Variants in BORCS5 observed in about 807,000 individuals in gnomAD.
The protein encoded by BORCS5 is BLOC-1 related complex subunit 5.
BORCS5 carries 17 observed loss-of-function variants against 22.1 expected under a neutral mutation model. The ratio of observed to expected loss-of-function variants is 0.77; its 90% CI spans 0.53 to 1.15. The LOEUF (loss-of-function observed/expected upper bound fraction) is 1.15. Ranked by LOEUF, BORCS5 falls within the 50% of genes most tolerant of loss-of-function variation. The pLI is 0.00. For synonymous variants in BORCS5, 117 were observed against 99.8 expected (o/e 1.17, Z -1.03); for missense variants, 247 against 253.2 (o/e 0.98, Z 0.17).
intron 1 of BORCS5, among the ~76,000 whole-genome samples, chr12:12,359,511 G>A (rs1322534247): frequency 6.6e-6 from 1 of 151,826 alleles, no homozygotes; most frequent in Non-Finnish European, 1.5e-5. Flanking sequence ...ACAGGGACAT[G>A]CCACCACGCC....
rs538545042 is a variant in BORCS5 at position 12,389,215 on chromosome 12, G to A, written c.202+27866G>A. Among the ~76,000 whole-genome samples the A allele has an allele frequency of 1.7e-4, 24 of 138,182 alleles. 3 individuals carry two copies. Among genetic ancestry groups the A allele is most frequent in the Non-Finnish European group, 3.1e-4 (20 of 65,524 alleles). 90.7% of individuals were successfully genotyped at this position (138,182 alleles called of 152,430 possible). On this transcript the variant is annotated intron_variant, in intron 2 of 3. Transcript: ENST00000314565. ...GGCAATGGTGCGATCTCGGCTTACTGCAAACTTTGCCTCCCAGGTTCAAGG... is the reference window on the plus strand; with the variant it reads ...GGCAATGGTGCGATCTCGGCTTACTACAAACTTTGCCTCCCAGGTTCAAGG...
chr12:12,420,862 G>A (rs1178711305), intron 2 of BORCS5, among the ~76,000 whole-genome samples: 2 of 152,148 alleles, frequency 1.3e-5, no homozygotes, highest in Non-Finnish European at 2.9e-5. Context: ...TCTGTTATTG[G>A]TGTATAGGAA....
chr12:12,431,031 A>G (rs941907331), intron 2 of BORCS5, among the ~76,000 whole-genome samples: 2 of 152,186 alleles, frequency 1.3e-5, no homozygotes, highest in Non-Finnish European at 2.9e-5. Flanking sequence ...TGCTGCAATG[A>G]ATACTCTTGT....
intron 2 of BORCS5, among the ~76,000 whole-genome samples, chr12:12,392,237 C>T (rs548536902): frequency 6.6e-6 from 1 of 151,864 alleles, no homozygotes; most frequent in South Asian, 2.1e-4. Context: ...GTATTAGTGT[C>T]CCTTTTAGAG....
At chr12:12,418,348 A>T (rs372134843) in intron 2 of BORCS5, among the ~76,000 whole-genome samples, 1 of 151,914 alleles carries the variant, frequency 6.6e-6, no homozygotes, top group Admixed American at 6.6e-5. Context: ...TGAACCTTTT[A>T]TTAATATATG....
intron 2 of BORCS5, among the ~76,000 whole-genome samples, chr12:12,374,350 T>C (rs928885560): frequency 9.2e-5 from 14 of 151,882 alleles, no homozygotes; most frequent in Non-Finnish European, 1.9e-4. Context: ...TAAAAGATGC[T>C]GGCCAGTCAC....
At chr12:12,357,771 T>A (rs1027046851) in intron 1 of BORCS5, among the ~76,000 whole-genome samples, 20 of 152,230 alleles carry the variant, frequency 1.3e-4, no homozygotes, top group African/African-American at 4.8e-4. Flanking sequence ...TACAGCCTCC[T>A]GTTTAAAAGA....
At chr12:12,460,904 C>T (rs1943091157) in intron 3 of BORCS5, among the ~76,000 whole-genome samples, 1 of 152,102 alleles carries the variant, frequency 6.6e-6, no homozygotes, top group African/African-American at 2.4e-5. Flanking sequence ...AGTTCATGTA[C>T]TGAGTGGACC....
In BORCS5 at chr12:12,470,549, G is replaced by C. The variant is rs944447064; in HGVS notation, c.*4773G>C. ...ATCTAATGCCTGATGATCTGAGATG[G>C]AACGGTTTCATCCAGAAACCATCCC... On this transcript the variant is annotated 3_prime_UTR_variant, in exon 4 of 4. Transcript: ENST00000314565. Among the ~76,000 whole-genome samples, 2 of 152,050 alleles carry C rather than the reference G, an allele frequency of 1.3e-5. No individual in the cohort carries two copies. Among genetic ancestry groups the C allele is most frequent in the Admixed American group, 1.3e-4 (2 of 15,256 alleles).
At chr12:12,427,337 C>T (rs892070585) in intron 2 of BORCS5, among the ~76,000 whole-genome samples, 1 of 151,960 alleles carries the variant, frequency 6.6e-6, no homozygotes, top group South Asian at 2.1e-4. Context: ...CCCGCCACCA[C>T]GCCCAGCTAA....
chr12:12,454,911 C>T (rs58705526), intron 3 of BORCS5, among the ~76,000 whole-genome samples: 1,798 of 152,208 alleles, frequency 0.012, 51 homozygotes, highest in African/African-American at 0.042. Flanking sequence ...CCCAAGTTCA[C>T]CAACTAGTAG....
At chr12:12,424,982 A>C (rs1297273900) in intron 2 of BORCS5, among the ~76,000 whole-genome samples, 1 of 152,232 alleles carries the variant, frequency 6.6e-6, no homozygotes, top group Admixed American at 6.5e-5. Context: ...AAGACCTTGC[A>C]GCAGTGTGGT....
chr12:12,428,637 ACTT>A (rs1479089151), intron 2 of BORCS5, among the ~76,000 whole-genome samples: 3 of 152,292 alleles, frequency 2.0e-5, no homozygotes, highest in South Asian at 4.1e-4. Context: ...TAATTTAGAA[ACTT>A]CTTCTCTTTA....
intron 2 of BORCS5, among the ~76,000 whole-genome samples, chr12:12,410,179 C>T (rs1490850720): frequency 1.3e-5 from 2 of 152,184 alleles, no homozygotes; most frequent in Admixed American, 6.5e-5. Flanking sequence ...TGTAGGTTGC[C>T]TGTTCACTCT....
At chr12:12,455,635 C>T (rs574112520) in intron 3 of BORCS5, among the ~76,000 whole-genome samples, 3 of 152,108 alleles carry the variant, frequency 2.0e-5, no homozygotes, top group East Asian at 3.9e-4. Flanking sequence ...AAAAATTAGC[C>T]AGGCGTGGTG....
chr12:12,387,703 C>T (rs1050790111), intron 2 of BORCS5, among the ~76,000 whole-genome samples: 5 of 151,338 alleles, frequency 3.3e-5, no homozygotes, highest in Admixed American at 2.0e-4. Context: ...TGAGTCATAT[C>T]GAATCATCTA....
chr12:12,364,465 G>A (rs1863362186), intron 2 of BORCS5, among the ~76,000 whole-genome samples: 2 of 152,214 alleles, frequency 1.3e-5, no homozygotes, highest in Non-Finnish European at 2.9e-5. Flanking sequence ...TCTTCACGTT[G>A]AGTAGGCCGA....
chr12:12,366,817 A>T (rs563169098), intron 2 of BORCS5, among the ~76,000 whole-genome samples: 1 of 152,328 alleles, frequency 6.6e-6, no homozygotes, highest in East Asian at 1.9e-4. Flanking sequence ...CTCTTAGTAG[A>T]TGAATATGTG....
At chr12:12,400,005 A>G (rs1293589041) in intron 2 of BORCS5, among the ~76,000 whole-genome samples, 1 of 152,222 alleles carries the variant, frequency 6.6e-6, no homozygotes, top group Non-Finnish European at 1.5e-5. Context: ...ATTAAATAAG[A>G]TGTGCAAATA....
Sources: allele counts gnomAD v4.1 joint callset (sites outside exome capture counted in the v4.1 genomes callset), GRCh38; gene constraint gnomAD v4.1.1; transcripts MANE v1.5; gene names NCBI Gene and HGNC (gene_info 2026-07-23, HGNC 2026-07-21).